GPD2: variants seen among roughly 807,000 people sequenced by gnomAD.
The protein encoded by GPD2 is glycerol-3-phosphate dehydrogenase 2.
Under a neutral mutation model 82.4 loss-of-function variants are expected in GPD2, and 54 were observed. That is an observed-to-expected ratio of 0.66 (90% CI 0.53 to 0.82). GPD2 has a LOEUF of 0.82. GPD2 is among the 40% of genes least tolerant of loss of function. GPD2 has a pLI of 0.00. For missense variants in GPD2, 748 were observed against 896.2 expected, an observed-to-expected ratio of 0.83 and a Z score of 2.11; for synonymous variants, 288 against 306.1, an observed-to-expected ratio of 0.94 and a Z score of 0.62.
At chr2:156,469,251 C>G (rs1683245502) in intron 1 of GPD2, among the ~76,000 whole-genome samples, 1 of 152,196 alleles carries the variant, frequency 6.6e-6, no homozygotes, top group Non-Finnish European at 1.5e-5. Flanking sequence ...CCTCCACCTC[C>G]CAGGTTCACG....
At chr2:156,516,965 C>G (rs549433681) in intron 6 of GPD2, among the ~76,000 whole-genome samples, 5 of 152,292 alleles carry the variant, frequency 3.3e-5, no homozygotes, top group African/African-American at 1.2e-4. Flanking sequence ...GAGGTTTCCT[C>G]TGAAGTACAA....
At chr2:156,541,968 T>C (rs1377974371) in intron 6 of GPD2, among the ~76,000 whole-genome samples, 1 of 106,010 alleles carries the variant, frequency 9.4e-6, no homozygotes, top group Non-Finnish European at 2.2e-5. Flanking sequence ...TGCTGTTGCT[T>C]GCTGTTTAAA....
chr2:156,582,957 G>A lies in GPD2; in HGVS notation c.*39G>A, dbSNP rs1473238641. On this transcript the variant is annotated 3_prime_UTR_variant, in exon 17 of 17. Coordinates refer to ENST00000438166, the MANE Select transcript of GPD2 (RefSeq NM_000408.5). ...ATCCACAGCCAACAAACATAGAAAC[G>A]ACAAATCACCATGTAACAACCAGAG... 9.3e-6 allele frequency: 15 copies of A among 1,606,746 alleles called. No homozygotes were observed. The East Asian group carries it at 1.1e-4, about 12-fold the overall frequency.
chr2:156,555,766 T>TA (rs1183443842), intron 8 of GPD2, among the ~76,000 whole-genome samples: 2 of 152,222 alleles, frequency 1.3e-5, no homozygotes, highest in Admixed American at 6.5e-5. Context: ...TTCAATACAT[T>TA]AGAGTAAAAG....
At chr2:156,526,405 C>G (rs943378122) in intron 6 of GPD2, among the ~76,000 whole-genome samples, 3 of 152,064 alleles carry the variant, frequency 2.0e-5, no homozygotes, top group African/African-American at 7.2e-5. Flanking sequence ...TTGCTAAAAT[C>G]TGGTTCATAA....
intron 4 of GPD2, among the ~76,000 whole-genome samples, chr2:156,511,573 T>C (rs1358760601): frequency 6.6e-6 from 1 of 152,176 alleles, no homozygotes; most frequent in Non-Finnish European, 1.5e-5. Context: ...TTTGAATCTG[T>C]CCCCTTATAT....
At chr2:156,431,679 A>G (rs573076138), upstream of GPD2, among the ~76,000 whole-genome samples, 2 of 152,262 alleles carry the variant, frequency 1.3e-5, no homozygotes, top group Admixed American at 1.3e-4. Context: ...TTCTTGTTAT[A>G]TTAGGAGCAA....
chr2:156,450,682 T>TTTTTTTTTTA (rs3055086), intron 1 of GPD2, among the ~76,000 whole-genome samples: 1 of 112,448 alleles, frequency 8.9e-6, no homozygotes, highest in African/African-American at 3.3e-5. Context: ...TTTTTTTTTT[T>TTTTTTTTTTA]ATTGCTCATT....
chr2:156,409,477 T>G, the GPD2 span, among the ~76,000 whole-genome samples: 1 of 151,596 alleles, frequency 6.6e-6, no homozygotes, highest in Non-Finnish European at 1.5e-5. Flanking sequence ...GGGAGGATCT[T>G]TCAGGGCCAG....
chr2:156,468,854 T>C (rs558813307), intron 1 of GPD2, among the ~76,000 whole-genome samples: 1 of 152,292 alleles, frequency 6.6e-6, no homozygotes, highest in East Asian at 1.9e-4. Flanking sequence ...TTCTCTTAGT[T>C]ATTTTTAAAT....
chr2:156,472,644 C>G (rs1246604536), intron 1 of GPD2, among the ~76,000 whole-genome samples: 1 of 152,138 alleles, frequency 6.6e-6, no homozygotes, highest in Non-Finnish European at 1.5e-5. Context: ...TCTTACATTA[C>G]CTGGCAGAAG....
In GPD2 at chr2:156,459,006, AATAT is replaced by A. The variant is rs56055627; in HGVS notation, c.-8-17074_-8-17071del. 6.7e-3 allele frequency among the ~76,000 whole-genome samples: 1,001 copies of A among 149,978 alleles called. 1 individual carries two copies. The highest frequency in any genetic ancestry group is 9.4e-3 in the African/African-American group (385 of 40,848). On this transcript the variant is annotated intron_variant, in intron 1 of 16. Transcript: ENST00000438166. ...GTATGTACATATACTTTAAAATAGA[AATAT>A]ATATATATATATATATACACACACA...
the GPD2 span, among the ~76,000 whole-genome samples, chr2:156,408,711 TAAAAAAAAAAAA>T: frequency 1.2e-5 from 1 of 82,050 alleles, no homozygotes; most frequent in African/African-American, 4.7e-5. Context: ...CTGCACCTGG[TAAAAAAAAAAAA>T]AAAAAAAAAA....
At chr2:156,542,622 A>C (rs1395195878) in intron 6 of GPD2, among the ~76,000 whole-genome samples, 1 of 152,172 alleles carries the variant, frequency 6.6e-6, no homozygotes, top group Non-Finnish European at 1.5e-5. Context: ...CAGGCACTTA[A>C]CACATTGAGG....
At chr2:156,546,356 C>A (rs900070756) in intron 6 of GPD2, among the ~76,000 whole-genome samples, 1 of 152,064 alleles carries the variant, frequency 6.6e-6, no homozygotes, top group Non-Finnish European at 1.5e-5. Flanking sequence ...TTGTCAAAAA[C>A]TTTTTTCTCC....
chr2:156,419,179 C>T, the GPD2 span, among the ~76,000 whole-genome samples: 2 of 151,270 alleles, frequency 1.3e-5, no homozygotes, highest in Admixed American at 6.6e-5. Flanking sequence ...CCTGCCTCAG[C>T]CCCCCAAGTA....
intron 2 of GPD2, among the ~76,000 whole-genome samples, chr2:156,493,301 G>C (rs1258872353): frequency 2.0e-5 from 3 of 152,114 alleles, no homozygotes; most frequent in Non-Finnish European, 2.9e-5. Context: ...TGTGGTTGTT[G>C]GTAGTGGTTG....
At chr2:156,406,131 AAACGGTGGAGCCAGTCATTTGGATTGCCC>A in the GPD2 span, among the ~76,000 whole-genome samples, 3 of 151,822 alleles carry the variant, frequency 2.0e-5, no homozygotes, top group African/African-American at 7.3e-5. Flanking sequence ...AGCCCTAGGG[AAACGGTGGAGCCAGTCATTTGGATTGCCC>A]TTTACTGGCT....
intron 2 of GPD2, among the ~76,000 whole-genome samples, chr2:156,493,063 T>A (rs1190176856): frequency 6.6e-6 from 1 of 152,178 alleles, no homozygotes; most frequent in African/African-American, 2.4e-5. Context: ...TTTCTCTCTC[T>A]CTCTTACTGT....
Sources: allele counts gnomAD v4.1 joint callset (sites outside exome capture counted in the v4.1 genomes callset), GRCh38; gene constraint gnomAD v4.1.1; transcripts MANE v1.5; gene names NCBI Gene and HGNC (gene_info 2026-07-23, HGNC 2026-07-21).